Variants in VPS13B observed in about 807,000 individuals in gnomAD.
VPS13B encodes intermembrane lipid transfer protein VPS13B.
A neutral mutation model predicts 426.4 loss-of-function variants in VPS13B; 285 were observed. The observed-to-expected ratio is 0.67, with a 90% CI of 0.61 to 0.74. The LOEUF is 0.74. Among genes scored for constraint, VPS13B ranks in the 30% least tolerant of loss-of-function variants. The pLI, the probability that VPS13B is intolerant of heterozygous loss-of-function variation, is 0.00. For missense variants in VPS13B, 4,537 were observed against 4,782.6 expected, an observed-to-expected ratio of 0.95 and a Z score of 1.51; for synonymous variants, 1,676 against 1,676.4, an observed-to-expected ratio of 1.00 and a Z score of 0.01.
intron 19 of VPS13B, among the ~76,000 whole-genome samples, chr8:99,376,709 T>C (rs1813507274): frequency 6.6e-6 from 1 of 152,182 alleles, no homozygotes; most frequent in Admixed American, 6.5e-5. Flanking sequence ...TGTAACAATT[T>C]GTACAATATG....
chr8:99,425,149 G>A (rs540898140), intron 21 of VPS13B, among the ~76,000 whole-genome samples: 3 of 152,120 alleles, frequency 2.0e-5, no homozygotes, highest in African/African-American at 2.4e-5. Context: ...AGGATGAGCT[G>A]GTACCATTCC....
chr8:99,091,835 G>A (rs1322405445), intron 3 of VPS13B: 1 of 152,274 alleles, frequency 6.6e-6, no homozygotes, highest in Non-Finnish European at 1.5e-5. Flanking sequence ...CCCCTTTGGT[G>A]ACCAGAGCTG....
intron 2 of VPS13B, among the ~76,000 whole-genome samples, chr8:99,037,058 T>C (rs1842776420): frequency 6.6e-6 from 1 of 152,176 alleles, no homozygotes; most frequent in South Asian, 2.1e-4. Flanking sequence ...AATGATTGTA[T>C]ACGAGTAAGG....
rs199552885 is a variant in VPS13B at position 99,819,451 on chromosome 8, A to G, written c.8661A>G (p.Ser2887=). Residue 2887 remains serine (S), a synonymous_variant, in exon 48 of 62, where the codon TCA becomes TCG. Coordinates refer to ENST00000357162, the MANE Select transcript of VPS13B (RefSeq NM_152564.5). ...YDPSDCAVPI[S]TSLIKQIATK... ...CTTCAGATTGTGCAGTTCCCATCTC[A>G]ACATCCCTCATTAAGCAAATAGCCA... The G allele has an allele frequency of 9.4e-5, 151 of 1,613,876 alleles. 5 individuals carry two copies. In the Middle Eastern group the frequency reaches 1.5e-3, roughly 16 times the overall value.
intron 19 of VPS13B, among the ~76,000 whole-genome samples, chr8:99,383,623 C>CT (rs1813955960): frequency 6.6e-6 from 1 of 152,062 alleles, no homozygotes; most frequent in African/African-American, 2.4e-5. Context: ...TATTTCTACT[C>CT]TCCCCTCTCA....
chr8:99,112,765 T>G (rs764567242), intron 6 of VPS13B, among the ~76,000 whole-genome samples: 1 of 152,180 alleles, frequency 6.6e-6, no homozygotes, highest in Non-Finnish European at 1.5e-5. Context: ...TGATCATTAG[T>G]GCAAATGTAA....
chr8:99,348,328 CAAAAA>C (rs1423895951), intron 19 of VPS13B: 2 of 152,134 alleles, frequency 1.3e-5, no homozygotes, highest in Non-Finnish European at 2.9e-5. Context: ...CTATTTCGTA[CAAAAA>C]TCAATTTTAT....
intron 33 of VPS13B, among the ~76,000 whole-genome samples, chr8:99,588,447 G>A (rs527867401): frequency 6.6e-6 from 1 of 151,810 alleles, no homozygotes; most frequent in South Asian, 2.1e-4. Flanking sequence ...TTCTATCCAT[G>A]AGCATGGAAT....
At chr8:99,432,063 A>C (rs1405793054) in intron 22 of VPS13B, among the ~76,000 whole-genome samples, 1 of 152,232 alleles carries the variant, frequency 6.6e-6, no homozygotes, top group African/African-American at 2.4e-5. Context: ...CTACATAATT[A>C]TAAGTTAAAT....
At chr8:99,296,237 C>A (rs1820035193) in intron 19 of VPS13B, among the ~76,000 whole-genome samples, 1 of 151,972 alleles carries the variant, frequency 6.6e-6, no homozygotes, top group Non-Finnish European at 1.5e-5. Context: ...CCAAATATTA[C>A]CTGTGTACAT....
At chr8:99,555,492 T>C (rs1382766720) in intron 30 of VPS13B, among the ~76,000 whole-genome samples, 1 of 152,210 alleles carries the variant, frequency 6.6e-6, no homozygotes, top group Non-Finnish European at 1.5e-5. Context: ...ATTTTTATTC[T>C]CTTTGTTATT....
At chr8:99,158,766 T>C (rs1375432778) in intron 15 of VPS13B, among the ~76,000 whole-genome samples, 3 of 152,132 alleles carry the variant, frequency 2.0e-5, no homozygotes, top group African/African-American at 7.2e-5. Context: ...ATATTAGCGC[T>C]CACGGACAAT....
At chr8:99,338,291 A>G (rs1374024945) in intron 19 of VPS13B, among the ~76,000 whole-genome samples, 1 of 152,164 alleles carries the variant, frequency 6.6e-6, no homozygotes, top group Admixed American at 6.5e-5. Context: ...GAAGAACAAA[A>G]TGGACATTTT....
chr8:99,525,746 G>A (rs550932459), intron 30 of VPS13B, among the ~76,000 whole-genome samples: 15 of 152,250 alleles, frequency 9.9e-5, no homozygotes, highest in Admixed American at 2.6e-4. Context: ...AAATCATATG[G>A]TATACTAGAA....
chr8:99,539,333 A>G (rs1207108816), intron 30 of VPS13B, among the ~76,000 whole-genome samples: 1 of 152,228 alleles, frequency 6.6e-6, no homozygotes, highest in Non-Finnish European at 1.5e-5. Flanking sequence ...ATATTTAATA[A>G]GAATGATGTA....
At chr8:99,739,871 A>G (rs1318556801) in intron 39 of VPS13B, among the ~76,000 whole-genome samples, 1 of 152,212 alleles carries the variant, frequency 6.6e-6, no homozygotes, top group East Asian at 1.9e-4. Context: ...AAAGATGTGG[A>G]AAAAACAGAG....
chr8:99,115,745 CA>C lies in VPS13B; in HGVS notation c.810del (p.Gln270HisfsTer8). The C allele has an allele frequency of 6.2e-7, 1 of 1,613,224 alleles. No homozygotes were observed. The highest frequency in any genetic ancestry group is 8.5e-7 in the Non-Finnish European group (1 of 1,179,662). Reference protein sequence around the residue: ...ESLKLSITDQQLPMFIRIMQL... With the variant: ...ESLKLSITDQXLPMFIRIMQL... ...TTTGAAACTTTCTATCACAGATCAA[CA>C]ACTGCCTATGTTTATTCGTATAATG... On this transcript the variant is annotated frameshift_variant, in exon 7 of 62. Transcript: ENST00000357162. LOFTEE classifies it high-confidence loss of function.
In VPS13B at chr8:99,853,375, C is replaced by T. The variant is rs140608829; in HGVS notation, c.10062-76C>T. ...CCATCAGGAGGTATTTAATAGGGTA[C>T]TGTCAATAAAAAAGAAAGAAGAGAG... On this transcript the variant is annotated intron_variant, in intron 55 of 61. Coordinates refer to ENST00000357162, the MANE Select transcript of VPS13B (RefSeq NM_152564.5). 7.0e-4 allele frequency: 1,042 copies of T among 1,478,442 alleles called. 5 individuals carry two copies. In the African/African-American group the frequency reaches 0.013, roughly 18 times the overall value. The allele number at this position is 1,478,442 out of a possible 1,614,324, so 91.6% of individuals were successfully genotyped here. A position where few individuals can be genotyped will look rare whatever the true frequency, so the allele number is the denominator to read the frequency against.
chr8:99,091,467 CT>C (rs1279466883), intron 3 of VPS13B, among the ~76,000 whole-genome samples: 1 of 152,102 alleles, frequency 6.6e-6, no homozygotes, highest in Non-Finnish European at 1.5e-5. Context: ...AACAGCCTCC[CT>C]TGTGGACTAA....
Sources: gnomAD v4.1 joint callset for allele counts (sites outside exome capture counted in the v4.1 genomes callset) on GRCh38, gnomAD v4.1.1 for gene constraint, MANE v1.5 for transcripts, NCBI Gene and HGNC (gene_info 2026-07-23, HGNC 2026-07-21) for gene names.